SLC45A2: variants seen among roughly 807,000 people sequenced by gnomAD.
The protein encoded by SLC45A2 is solute carrier family 45 member 2.
A neutral mutation model predicts 45.5 loss-of-function variants in SLC45A2; 36 were observed. That is an observed-to-expected ratio of 0.79 (90% CI 0.61 to 1.04). SLC45A2 has a LOEUF of 1.04. Ranked by LOEUF, SLC45A2 falls within the 50% of genes least tolerant of loss-of-function variation. The pLI is 0.00. For synonymous variants in SLC45A2, 306 were observed against 269.3 expected (o/e 1.14, Z -1.33); for missense variants, 719 against 671.0 (o/e 1.07, Z -0.79).
chr5:33,954,956 G>A (rs1342562268), intron 3 of SLC45A2, among the ~76,000 whole-genome samples: 3 of 152,158 alleles, frequency 2.0e-5, no homozygotes, highest in African/African-American at 7.2e-5. Context: ...CTGTGATTAT[G>A]TGCTGTTACA....
Position 33,944,633 on chromosome 5 carries a change from T to G in SLC45A2, c.*15A>C. On this transcript the variant is annotated 3_prime_UTR_variant, in exon 7 of 7. Transcript: ENST00000296589. ...TCACTGTCTCTGAGGTTAGGGTCAT[T>G]GTCTCTTTATTGACCTAATCCACAT... 6.2e-7 allele frequency: 1 copy of G among 1,613,108 alleles called. No individual in the cohort carries two copies. Among genetic ancestry groups the G allele is most frequent in the Non-Finnish European group, 8.5e-7 (1 of 1,179,208 alleles).
intron 5 of SLC45A2, among the ~76,000 whole-genome samples, chr5:33,950,449 T>C (rs973981164): frequency 3.9e-5 from 6 of 152,234 alleles, no homozygotes; most frequent in African/African-American, 1.2e-4. Context: ...AAATAATGAA[T>C]GTTGTTGTTA....
chr5:33,963,644 A>T, intron 3 of SLC45A2, 47 bp downstream of exon 3: 1 of 1,448,164 alleles, frequency 6.9e-7, no homozygotes, highest in East Asian at 2.3e-5. Flanking sequence ...ACAACAACAA[A>T]GAGCAAGAAT....
Position 33,944,756 on chromosome 5 carries a change from GC to G in SLC45A2, c.1484del (p.Gly495AlafsTer14), listed in dbSNP as rs748508504. On this transcript the variant is annotated frameshift_variant, in exon 7 of 7. Coordinates refer to ENST00000296589, the MANE Select transcript of SLC45A2 (RefSeq NM_016180.5). LOFTEE classifies it high-confidence loss of function. ...CGGTCCCGGCTGTGTTGACCAGAAAGCCCAGGCCACCTCCGACCAGGATCTG... is the reference window on the plus strand; with the variant it reads ...CGGTCCCGGCTGTGTTGACCAGAAAGCCAGGCCACCTCCGACCAGGATCTG... ...LAQILVGGGLGFLVNTAGTVV... is the reference protein window; with the variant it reads ...LAQILVGGGLXFLVNTAGTVV... 1.2e-6 allele frequency: 2 copies of G among 1,614,062 alleles called. No individual in the cohort carries two copies. Among genetic ancestry groups the G allele is most frequent in the African/African-American group, 1.3e-5 (1 of 74,918 alleles).
At chr5:33,982,194 G>T (rs779567675) in intron 2 of SLC45A2, 42 bp downstream of exon 2, 3 of 1,610,042 alleles carry the variant, frequency 1.9e-6, no homozygotes, top group Non-Finnish European at 2.5e-6. Context: ...GTGCCTCATT[G>T]TCTGGGGAGC....
chr5:33,975,322 G>C (rs559918636), intron 2 of SLC45A2, among the ~76,000 whole-genome samples: 1 of 152,304 alleles, frequency 6.6e-6, no homozygotes, highest in South Asian at 2.1e-4. Context: ...ACATGTTTAA[G>C]TGCCTGCTAA....
At chr5:33,974,897 T>C (rs1238019297) in intron 2 of SLC45A2, among the ~76,000 whole-genome samples, 2 of 151,906 alleles carry the variant, frequency 1.3e-5, no homozygotes, top group Non-Finnish European at 1.5e-5. Context: ...AATCTGCATA[T>C]ATATATGTGC....
intron 3 of SLC45A2, among the ~76,000 whole-genome samples, chr5:33,961,366 T>A (rs1278743474): frequency 6.6e-6 from 1 of 152,210 alleles, no homozygotes; most frequent in Non-Finnish European, 1.5e-5. Flanking sequence ...GCTTCCAAAA[T>A]GTGTCTCCAA....
At chr5:33,951,086 T>C (rs1284445050) in intron 5 of SLC45A2, among the ~76,000 whole-genome samples, 2 of 152,196 alleles carry the variant, frequency 1.3e-5, no homozygotes, top group Non-Finnish European at 2.9e-5. Context: ...CCTGGTGTGG[T>C]GCTCCTATAA....
At chr5:33,968,745 GCACCTAC>G (rs1174067971) in intron 2 of SLC45A2, among the ~76,000 whole-genome samples, 2 of 152,190 alleles carry the variant, frequency 1.3e-5, no homozygotes, top group African/African-American at 4.8e-5. Context: ...ATCAAACTCT[GCACCTAC>G]CATCTGCCTG....
At chr5:33,981,454 A>G (rs970927774) in intron 2 of SLC45A2, among the ~76,000 whole-genome samples, 1 of 152,206 alleles carries the variant, frequency 6.6e-6, no homozygotes, top group Admixed American at 6.5e-5. Context: ...AGACAATCAA[A>G]TAAGGTGGGC....
chr5:33,980,070 C>T (rs1287289572), intron 2 of SLC45A2, among the ~76,000 whole-genome samples: 1 of 152,100 alleles, frequency 6.6e-6, no homozygotes, highest in Non-Finnish European at 1.5e-5. Context: ...CAGAAAGTCT[C>T]CCATGACCTT....
In SLC45A2 at chr5:33,944,880, G is replaced by C. The variant is rs749599493; in HGVS notation, c.1369-8C>G. On this transcript the variant is annotated splice_region_variant and splice_polypyrimidine_tract_variant and intron_variant, in intron 6 of 6. Coordinates refer to ENST00000296589, the MANE Select transcript of SLC45A2 (RefSeq NM_016180.5). ...TCCTGGGGCCTGCTGCCTCTGCAAA[G>C]GAAGCACAGAACCACCATTTGACCT... is the stretch of plus-strand genomic sequence containing the variant. The C allele has an allele frequency of 6.2e-7, 1 of 1,607,328 alleles. No individual in the cohort carries two copies. Among genetic ancestry groups the C allele is most frequent in the East Asian group, 2.2e-5 (1 of 44,582 alleles).
At chr5:33,973,160 C>T (rs1307254153) in intron 2 of SLC45A2, among the ~76,000 whole-genome samples, 1 of 152,196 alleles carries the variant, frequency 6.6e-6, no homozygotes, top group African/African-American at 2.4e-5. Context: ...TGGGAAAGCA[C>T]TTTCGAGCAG....
chr5:33,972,198 T>C (rs1752803284), intron 2 of SLC45A2: 1 of 524,674 alleles, frequency 1.9e-6, no homozygotes, highest in Non-Finnish European at 3.9e-6. Flanking sequence ...GGTTGTTGGT[T>C]TTCCAAGGGT....
chr5:33,977,074 T>G (rs143296705), intron 2 of SLC45A2, among the ~76,000 whole-genome samples: 460 of 152,214 alleles, frequency 3.0e-3, no homozygotes, highest in African/African-American at 0.011. Context: ...TCAAATCCAA[T>G]AGGACTGGTG....
chr5:33,984,150 C>T (rs750922083), intron 1 of SLC45A2, 49 bp downstream of exon 1: 1 of 1,610,736 alleles, frequency 6.2e-7, no homozygotes, highest in Non-Finnish European at 8.5e-7. Context: ...TGCAGAGGTA[C>T]ACACTAAGAC....
At chr5:33,982,179 T>C in intron 2 of SLC45A2, 57 bp downstream of exon 2, 4 of 1,595,452 alleles carry the variant, frequency 2.5e-6, no homozygotes, top group Non-Finnish European at 2.6e-6. Flanking sequence ...ATGGCTTTAG[T>C]GGAAGTGCCT....
chr5:33,951,524 A>C, intron 5 of SLC45A2, 30 bp downstream of exon 5: 2 of 1,613,962 alleles, frequency 1.2e-6, no homozygotes, highest in Non-Finnish European at 1.7e-6. Flanking sequence ...AAACTTTTAG[A>C]AGACATCCTT....
Sources: gnomAD v4.1 joint callset for allele counts (sites outside exome capture counted in the v4.1 genomes callset) on GRCh38, gnomAD v4.1.1 for gene constraint, MANE v1.5 for transcripts, NCBI Gene and HGNC (gene_info 2026-07-23, HGNC 2026-07-21) for gene names.